JUP: variants seen among roughly 807,000 people sequenced by gnomAD.
JUP encodes junction plakoglobin.
Under a neutral mutation model 71.1 loss-of-function variants are expected in JUP, and 28 were observed. The observed-to-expected ratio is 0.39, with a 90% CI of 0.29 to 0.54. The LOEUF is 0.54. JUP is among the 20% of genes least tolerant of loss of function. The pLI is 0.62. For synonymous variants in JUP, 401 were observed against 438.9 expected (o/e 0.91, Z 1.08); for missense variants, 869 against 1,030.1 (o/e 0.84, Z 2.14).
intron 8 of JUP, among the ~76,000 whole-genome samples, chr17:41,761,753 CAAAA>C (rs1180310607): frequency 5.2e-5 from 4 of 76,778 alleles, no homozygotes; most frequent in East Asian, 3.8e-4. Context: ...AACTCCGTCT[CAAAA>C]AAAAAAAAAA....
rs528558535 is a variant in JUP, at chr17:41,778,772, G to A, written c.-8-6910C>T. 2.6e-3 allele frequency among the ~76,000 whole-genome samples: 400 copies of A among 151,808 alleles called. 2 individuals carry two copies. Among genetic ancestry groups the A allele is most frequent in the African/African-American group, 9.4e-3 (390 of 41,370 alleles). On this transcript the variant is annotated intron_variant, in intron 1 of 13. Coordinates refer to ENST00000393931, the MANE Select transcript of JUP (RefSeq NM_002230.4). ...TAAAAATATAAAAAATTAGCCGGGC[G>A]TGTTAGCGGGTGCCTGTAGTCCCAG...
At chr17:41,760,808 G>A (rs981743979) in intron 8 of JUP, among the ~76,000 whole-genome samples, 6 of 151,886 alleles carry the variant, frequency 4.0e-5, no homozygotes, top group South Asian at 2.1e-4. Flanking sequence ...TAATCCTCCC[G>A]CCCCGTCCTC....
In JUP at chr17:41,764,826, G is replaced by A. The variant is rs1555603255; in HGVS notation, c.1055-10C>T. On this transcript the variant is annotated splice_polypyrimidine_tract_variant and intron_variant, in intron 6 of 13. Coordinates refer to ENST00000393931, the MANE Select transcript of JUP (RefSeq NM_002230.4). ...AGGGCCTGCATCCCACCTGGGGCAG[G>A]GATAGGGGTGCCATCAGCCACGGGG... 1 of 1,613,706 alleles carries A rather than the reference G, an allele frequency of 6.2e-7. No homozygotes were observed. Among genetic ancestry groups the A allele is most frequent in the Non-Finnish European group, 8.5e-7 (1 of 1,179,804 alleles).
chr17:41,768,957 A>T lies in JUP; in HGVS notation c.707+12T>A, dbSNP rs782282188. ...GGGGTCCTGGGCTCATGCAGTGAGC[A>T]GGGTTGGGTACCTGAGCATGCGGAC... is the stretch of plus-strand genomic sequence containing the variant. On this transcript the variant is annotated intron_variant, in intron 4 of 13. Coordinates refer to ENST00000393931, the MANE Select transcript of JUP (RefSeq NM_002230.4). 6.3e-7 allele frequency: 1 copy of T among 1,590,654 alleles called. No individual in the cohort carries two copies. Among genetic ancestry groups the T allele is most frequent in the South Asian group, 1.1e-5 (1 of 88,672 alleles).
rs1555603323 is a variant in JUP, at chr17:41,764,927, C to G, written c.1050G>C (p.Glu350Asp). The G allele has an allele frequency of 2.5e-6, 4 of 1,614,096 alleles. No homozygotes were observed. In the East Asian group the frequency reaches 8.9e-5, roughly 36 times the overall value. The change falls in exon 6 of 14, where the codon GAG (glutamate) becomes GAC (aspartate). Residue 350 changes from glutamate to aspartate, a missense_variant. Physicochemically the swap from Glu to Asp is conservative, Grantham distance 45. Coordinates refer to ENST00000393931, the MANE Select transcript of JUP (RefSeq NM_002230.4). Reference protein sequence around the residue: ...VCPSNKPAIVEAGGMQALGKH... With the variant: ...VCPSNKPAIVDAGGMQALGKH... ...CCTCAAGGCCATCATACTCACCAGC[C>G]TCCACAATGGCAGGCTTATTGCTGG...
chr17:41,761,785 T>C (rs1555601352), intron 8 of JUP, among the ~76,000 whole-genome samples: 1 of 147,560 alleles, frequency 6.8e-6, no homozygotes, highest in Non-Finnish European at 1.5e-5. Flanking sequence ...AAATACAGAA[T>C]TGTCCGGGCC....
Position 41,755,061 on chromosome 17 carries a change from T to C in JUP, c.*683A>G, listed in dbSNP as rs1913459972. On this transcript the variant is annotated 3_prime_UTR_variant, in exon 14 of 14. Coordinates refer to ENST00000393931, the MANE Select transcript of JUP (RefSeq NM_002230.4). Reference sequence around the variant, plus strand: ...CTGGGCCCTGGAGGCCCTGGGGGCTTAGGGCAGTTGGTCGGTGGAGTTCAG... The same window carrying C: ...CTGGGCCCTGGAGGCCCTGGGGGCTCAGGGCAGTTGGTCGGTGGAGTTCAG... 2.6e-6 allele frequency: 1 copy of C among 381,530 alleles called. No individual in the cohort carries two copies. The highest frequency in any genetic ancestry group is 2.1e-5 in the African/African-American group (1 of 48,230). The allele number at this position is 381,530 out of a possible 1,614,324, so 23.6% of individuals were successfully genotyped here.
intron 1 of JUP, among the ~76,000 whole-genome samples, chr17:41,782,823 T>C (rs572072624): frequency 1.3e-5 from 2 of 152,178 alleles, no homozygotes; most frequent in East Asian, 3.9e-4. Context: ...AGAAAAATCC[T>C]TTCCGCTCAC....
At chr17:41,758,278 C>A (rs961484955) in intron 10 of JUP, 121 bp downstream of exon 10, 2 of 1,342,114 alleles carry the variant, frequency 1.5e-6, no homozygotes, top group Non-Finnish European at 2.1e-6. Flanking sequence ...TGGCAACTTT[C>A]CTCCAAACTC....
intron 1 of JUP, chr17:41,776,066 G>C: frequency 1.2e-6 from 1 of 830,988 alleles, no homozygotes; most frequent in Non-Finnish European, 1.5e-6. Context: ...CAAGTGCCAA[G>C]ACACCTGGAA....
At chr17:41,760,509 C>T (rs535615396) in intron 8 of JUP, among the ~76,000 whole-genome samples, 110 of 152,024 alleles carry the variant, frequency 7.2e-4, no homozygotes, top group South Asian at 5.8e-3. Context: ...CCACACGCCT[C>T]GGCCTCCCAA....
At chr17:41,778,719 G>T (rs2047006179) in intron 1 of JUP, among the ~76,000 whole-genome samples, 1 of 150,954 alleles carries the variant, frequency 6.6e-6, no homozygotes, top group Non-Finnish European at 1.5e-5. Context: ...AGACCATACT[G>T]GCTAATACGG....
intron 8 of JUP, among the ~76,000 whole-genome samples, chr17:41,762,163 GA>G (rs1914953429): frequency 4.6e-5 from 4 of 86,860 alleles, no homozygotes; most frequent in East Asian, 3.4e-4. Context: ...GAGAGAGAGA[GA>G]GAGAGAGAGA....
At chr17:41,766,338 A>T (rs1555604017) in intron 5 of JUP, among the ~76,000 whole-genome samples, 2 of 151,964 alleles carry the variant, frequency 1.3e-5, no homozygotes, top group African/African-American at 4.8e-5. Flanking sequence ...AGGAAAAAGG[A>T]AAGGGGAGGG....
intron 1 of JUP, among the ~76,000 whole-genome samples, chr17:41,772,661 G>A (rs550945788): frequency 5.3e-5 from 8 of 152,216 alleles, no homozygotes; most frequent in African/African-American, 1.9e-4. Context: ...GTGCTCAGAG[G>A]CCACGGCCAT....
chr17:41,762,438 T>C (rs1915049459), intron 8 of JUP, among the ~76,000 whole-genome samples: 1 of 152,074 alleles, frequency 6.6e-6, no homozygotes, highest in Non-Finnish European at 1.5e-5. Context: ...TCACCCAGGC[T>C]GGAGTGCACT....
chr17:41,764,703 C>A lies in JUP; in HGVS notation c.1158+10G>T, dbSNP rs199917743. ...AAGAGGTCAACCCCAGGCCCAGATACCTCCCTCACCTGCTTGGTGGCCACA... is the reference window on the plus strand; with the variant it reads ...AAGAGGTCAACCCCAGGCCCAGATAACTCCCTCACCTGCTTGGTGGCCACA... On this transcript the variant is annotated intron_variant, in intron 7 of 13. Transcript: ENST00000393931. 12 of 1,610,832 alleles carry A rather than the reference C, an allele frequency of 7.4e-6. No individual in the cohort carries two copies. The East Asian group carries it at 2.5e-4, about 33-fold the overall frequency.
chr17:41,757,373 A>G (rs782124206), intron 12 of JUP, 42 bp downstream of exon 12: 1 of 1,613,462 alleles, frequency 6.2e-7, no homozygotes, highest in Non-Finnish European at 8.5e-7. Context: ...GCAGTGCCCA[A>G]CTTGCACAAC....
At position 41,767,396 on chromosome 17, in the gene JUP, C is replaced by T. The variant is rs199597864; in HGVS notation, c.892G>A (p.Gly298Ser). The T allele has an allele frequency of 1.2e-4, 198 of 1,614,154 alleles. No homozygotes were observed. The highest frequency in any genetic ancestry group is 1.4e-4 in the Non-Finnish European group (161 of 1,180,044). The change falls in exon 5 of 14, where the codon GGC becomes AGC. Residue 298 changes from glycine (G) to serine (S), a missense_variant. By Grantham distance (56) the Gly-to-Ser change is moderately conservative (BLOSUM62 0). Transcript: ENST00000393931. ...GGGCCCACCTTGCTCTCCTGGTTGC[C>T]GTAGGCCAGGAGCTGCAGGCAGTCG... ...TTDCLQLLAY[G>S]NQESKLIILA... is the part of the protein sequence containing the mutation.
Sources: gnomAD v4.1 joint callset for allele counts (sites outside exome capture counted in the v4.1 genomes callset) on GRCh38, gnomAD v4.1.1 for gene constraint, MANE v1.5 for transcripts, NCBI Gene and HGNC (gene_info 2026-07-23, HGNC 2026-07-21) for gene names.